CADM2: variants seen among roughly 807,000 people sequenced by gnomAD.
CADM2 encodes the protein cell adhesion molecule 2.
Under a neutral mutation model 49.8 loss-of-function variants are expected in CADM2, and 12 were observed. The ratio of observed to expected loss-of-function variants is 0.24; its 90% CI spans 0.15 to 0.39. CADM2 has a LOEUF of 0.39. Ranked by LOEUF, CADM2 falls within the 10% of genes least tolerant of loss-of-function variation. The pLI is 1.00. For synonymous variants in CADM2, 214 were observed against 175.4 expected, an observed-to-expected ratio of 1.22 and a Z score of -1.74; for missense variants, 378 against 492.3, an observed-to-expected ratio of 0.77 and a Z score of 2.20.
chr3:85,485,171 T>G (rs2039368131), intron 1 of CADM2, among the ~76,000 whole-genome samples: 1 of 151,868 alleles, frequency 6.6e-6, no homozygotes, highest in Non-Finnish European at 1.5e-5. Context: ...CATCACAAGT[T>G]TAGGTACACA....
Position 84,959,039 on chromosome 3 carries a change from G to C in CADM2, c.-569G>C, listed in dbSNP as rs1373960258. The stretch of plus-strand genomic sequence containing the variant: ...CGCTGCCGCCACAGCCGCCGCTGCA[G>C]CCGGAGCATCCGGGAGCCGCCACTG... On this transcript the variant is annotated 5_prime_UTR_variant, in exon 1 of 10. Transcript: ENST00000383699. 1.0e-5 allele frequency: 2 copies of C among 197,630 alleles called. No homozygotes were observed. The highest frequency in any genetic ancestry group is 2.4e-5 in the African/African-American group (1 of 41,636). The allele number at this position is 197,630 out of a possible 1,614,324, so 12.2% of individuals were successfully genotyped here.
intron 1 of CADM2, among the ~76,000 whole-genome samples, chr3:85,206,897 A>G (rs2041656434): frequency 6.6e-6 from 1 of 152,126 alleles, no homozygotes; most frequent in South Asian, 2.1e-4. Context: ...CATAATTATA[A>G]TATTGGAAAT....
At chr3:85,103,862 T>A (rs1176662137) in intron 1 of CADM2, among the ~76,000 whole-genome samples, 1 of 152,106 alleles carries the variant, frequency 6.6e-6, no homozygotes. Flanking sequence ...AGGAATGTAG[T>A]GGGCTAGGAT....
chr3:85,139,197 C>T (rs1448022531), intron 1 of CADM2, among the ~76,000 whole-genome samples: 1 of 152,042 alleles, frequency 6.6e-6, no homozygotes, highest in African/African-American at 2.4e-5. Context: ...TGAGAAGGAG[C>T]AATGCATGAA....
chr3:85,928,660 T>C (rs1577688201), intron 6 of CADM2, among the ~76,000 whole-genome samples: 1 of 152,212 alleles, frequency 6.6e-6, no homozygotes, highest in Non-Finnish European at 1.5e-5. Context: ...GCATTTTGCT[T>C]TTAAAATATC....
chr3:85,339,871 C>G (rs943580669), intron 1 of CADM2, among the ~76,000 whole-genome samples: 1 of 151,258 alleles, frequency 6.6e-6, no homozygotes, highest in African/African-American at 2.4e-5. Flanking sequence ...GACAAAACAT[C>G]TTTGCAAACT....
intron 1 of CADM2, among the ~76,000 whole-genome samples, chr3:85,116,080 A>C (rs557744466): frequency 6.6e-6 from 1 of 152,278 alleles, no homozygotes; most frequent in Non-Finnish European, 1.5e-5. Flanking sequence ...TAATCCCAGC[A>C]CTTTGGGAGG....
chr3:85,056,615 T>C (rs1010181157), intron 1 of CADM2, among the ~76,000 whole-genome samples: 3 of 152,212 alleles, frequency 2.0e-5, no homozygotes, highest in Admixed American at 2.0e-4. Flanking sequence ...TGTTTGGCCC[T>C]GAGCAACTTA....
At chr3:85,008,118 T>G (rs2033826251) in intron 1 of CADM2, among the ~76,000 whole-genome samples, 1 of 152,176 alleles carries the variant, frequency 6.6e-6, no homozygotes, top group Non-Finnish European at 1.5e-5. Flanking sequence ...CATTGGCTCA[T>G]GAAAATTATG....
chr3:85,352,004 A>G (rs1231875474), intron 1 of CADM2, among the ~76,000 whole-genome samples: 1 of 152,126 alleles, frequency 6.6e-6, no homozygotes, highest in Non-Finnish European at 1.5e-5. Flanking sequence ...TATTAGAAAT[A>G]CTGTTTAAGT....
chr3:85,370,687 T>C (rs185182592), intron 1 of CADM2, among the ~76,000 whole-genome samples: 150 of 152,330 alleles, frequency 9.8e-4, no homozygotes, highest in African/African-American at 3.5e-3. Flanking sequence ...ATCATTATTT[T>C]TGAATGTATT....
At chr3:86,044,568 C>G (rs1736400282) in intron 8 of CADM2, among the ~76,000 whole-genome samples, 1 of 152,148 alleles carries the variant, frequency 6.6e-6, no homozygotes, top group Non-Finnish European at 1.5e-5. Context: ...ACAACAGGTG[C>G]TAGAGAGGAT....
intron 1 of CADM2, among the ~76,000 whole-genome samples, chr3:85,287,628 T>G (rs2043666358): frequency 6.6e-6 from 1 of 152,170 alleles, no homozygotes; most frequent in African/African-American, 2.4e-5. Context: ...ACTACAAATA[T>G]GCATGGACTT....
At chr3:86,037,618 T>G (rs1424511699) in intron 8 of CADM2, among the ~76,000 whole-genome samples, 1 of 152,178 alleles carries the variant, frequency 6.6e-6, no homozygotes, top group African/African-American at 2.4e-5. Flanking sequence ...CCTGAAAGGC[T>G]AGGTTTTACA....
At chr3:85,619,950 T>C (rs1347817436) in intron 1 of CADM2, among the ~76,000 whole-genome samples, 1 of 152,174 alleles carries the variant, frequency 6.6e-6, no homozygotes, top group Admixed American at 6.5e-5. Context: ...TGTCAACCGA[T>C]AAAAATCATT....
At position 85,225,272 on chromosome 3, in the gene CADM2, T is replaced by C. The variant is rs183618923; in HGVS notation, c.61+265604T>C. Among the ~76,000 whole-genome samples, 46 of 152,304 alleles carry C rather than the reference T, an allele frequency of 3.0e-4. No individual in the cohort carries two copies. In the East Asian group the frequency reaches 6.0e-3, roughly 20 times the overall value. On this transcript the variant is annotated intron_variant, in intron 1 of 9. Transcript: ENST00000383699. ...TCCGTTTGTATGTCTCCTCTTTTAT[T>C]TCCTTGAGCAGTGGTTTGTAGTTCT...
chr3:85,158,369 C>A (rs531692460), intron 1 of CADM2, among the ~76,000 whole-genome samples: 3 of 152,290 alleles, frequency 2.0e-5, no homozygotes, highest in African/African-American at 7.2e-5. Flanking sequence ...ATAAATCATG[C>A]TGTTGTAAAG....
chr3:85,221,992 A>G (rs186991119), intron 1 of CADM2, among the ~76,000 whole-genome samples: 20 of 152,324 alleles, frequency 1.3e-4, no homozygotes, highest in Admixed American at 7.8e-4. Flanking sequence ...TTTTATCACA[A>G]TGAAGTTAAT....
chr3:85,400,117 C>T (rs892021789), intron 1 of CADM2, among the ~76,000 whole-genome samples: 45 of 152,160 alleles, frequency 3.0e-4, no homozygotes, highest in Non-Finnish European at 5.3e-4. Context: ...TTTTGAGATA[C>T]GTCCCATCAA....
Sources: gnomAD v4.1 joint callset for allele counts (sites outside exome capture counted in the v4.1 genomes callset) on GRCh38, gnomAD v4.1.1 for gene constraint, MANE v1.5 for transcripts, NCBI Gene and HGNC (gene_info 2026-07-23, HGNC 2026-07-21) for gene names.